MYO5B: variants seen among roughly 807,000 people sequenced by gnomAD.
MYO5B encodes the protein myosin VB, also known as unconventional myosin-Vb.
In MYO5B, 143 loss-of-function variants were observed where a neutral mutation model predicts 229.3. The ratio of observed to expected loss-of-function variants is 0.62; its 90% CI spans 0.54 to 0.72. The LOEUF (loss-of-function observed/expected upper bound fraction) is 0.72. Ranked by LOEUF, MYO5B falls within the 30% of genes least tolerant of loss-of-function variation. The pLI is 0.00. For missense variants in MYO5B, 2,321 were observed against 2,331.0 expected, an observed-to-expected ratio of 1.00 and a Z score of 0.09; for synonymous variants, 918 against 885.2, an observed-to-expected ratio of 1.04 and a Z score of -0.66.
intron 3 of MYO5B, among the ~76,000 whole-genome samples, chr18:50,039,111 G>A (rs934137761): frequency 2.6e-5 from 4 of 152,126 alleles, no homozygotes; most frequent in African/African-American, 4.8e-5. Flanking sequence ...CAAGACCACA[G>A]GGCACATGCG....
intron 14 of MYO5B, among the ~76,000 whole-genome samples, chr18:49,950,088 G>C (rs139489168): frequency 6.6e-6 from 1 of 152,146 alleles, no homozygotes; most frequent in East Asian, 1.9e-4. Context: ...CTTTTGAGAC[G>C]TCTGAAACAG....
intron 17 of MYO5B, among the ~76,000 whole-genome samples, chr18:49,921,149 G>A (rs1368907050): frequency 2.0e-5 from 3 of 152,006 alleles, no homozygotes; most frequent in Non-Finnish European, 4.4e-5. Flanking sequence ...ACTCTTCACA[G>A]GACTGGGGAG....
At chr18:49,902,430 G>C (rs558861978) in intron 21 of MYO5B, among the ~76,000 whole-genome samples, 164 bp downstream of exon 21, 153 of 152,302 alleles carry the variant, frequency 1.0e-3, no homozygotes, top group African/African-American at 3.5e-3. Flanking sequence ...TATCTTTAGG[G>C]GTCACTGATC....
rs377151673 is a variant in MYO5B at position 50,178,242 on chromosome 18, A to G, written c.27+16525T>C. Among the ~76,000 whole-genome samples the G allele has an allele frequency of 2.0e-4, 30 of 152,236 alleles. No homozygotes were observed. In the East Asian group the frequency reaches 5.0e-3, roughly 26 times the overall value. ...AAAGCTTCAGACTCAGATCACCACC[A>G]ATGCTCCCAGCCCAAACTGGCACAA... On this transcript the variant is annotated intron_variant, in intron 1 of 39. Transcript: ENST00000285039.
chr18:50,179,750 G>C (rs2033046101), intron 1 of MYO5B, among the ~76,000 whole-genome samples: 1 of 152,162 alleles, frequency 6.6e-6, no homozygotes, highest in Non-Finnish European at 1.5e-5. Flanking sequence ...GTACTGTGCT[G>C]GCCTATTAGG....
chr18:49,975,557 G>A (rs904309824), intron 9 of MYO5B, among the ~76,000 whole-genome samples: 4 of 152,116 alleles, frequency 2.6e-5, no homozygotes, highest in African/African-American at 7.2e-5. Context: ...AGAAGCAAGC[G>A]TTTTAAGTAT....
chr18:50,033,338 C>A (rs2026410998), intron 4 of MYO5B, among the ~76,000 whole-genome samples: 1 of 152,122 alleles, frequency 6.6e-6, no homozygotes, highest in South Asian at 2.1e-4. Flanking sequence ...CAAGACCCAG[C>A]TAAAATCCTA....
At chr18:49,860,395 C>T (rs2024314844) in intron 29 of MYO5B, among the ~76,000 whole-genome samples, 1 of 152,162 alleles carries the variant, frequency 6.6e-6, no homozygotes, top group Non-Finnish European at 1.5e-5. Flanking sequence ...CAGCCCTCTT[C>T]CCCCTTCATT....
At chr18:49,868,491 C>A (rs2024422338) in intron 27 of MYO5B, among the ~76,000 whole-genome samples, 1 of 152,218 alleles carries the variant, frequency 6.6e-6, no homozygotes, top group African/African-American at 2.4e-5. Flanking sequence ...GGTACCATCT[C>A]CTGATTTGAA....
intron 1 of MYO5B, among the ~76,000 whole-genome samples, chr18:50,134,570 A>C (rs1040092716): frequency 2.8e-5 from 4 of 141,450 alleles, no homozygotes; most frequent in Admixed American, 1.3e-4. Context: ...ATAAATAAAT[A>C]AATAAATAAA....
chr18:49,974,568 C>T lies in MYO5B; in HGVS notation c.1104G>A (p.Glu368=), dbSNP rs1223124229. ...ACAGCCAGTGCTCCATCTGACTGTGCTCCACCCCTAGCAGTCGGCAGAAGT... is the reference window on the plus strand; with the variant it reads ...ACAGCCAGTGCTCCATCTGACTGTGTTCCACCCCTAGCAGTCGGCAGAAGT... ...LSNFCRLLGV[E]HSQMEHWLCH... The change falls in exon 10 of 40, where the codon GAG becomes GAA. Residue 368 remains glutamate, a synonymous_variant. Transcript: ENST00000285039. 1.2e-6 allele frequency: 2 copies of T among 1,614,118 alleles called. No homozygotes were observed. The highest frequency in any genetic ancestry group is 2.2e-5 in the East Asian group (1 of 44,882).
chr18:50,096,817 T>C lies in MYO5B; in HGVS notation c.28-41439A>G, dbSNP rs942374722. ...TCAATGTCTCTCCCCAGTGTCTTCC[T>C]GCTGGAGCTCCCTAGGTCCAACACT... On this transcript the variant is annotated intron_variant, in intron 1 of 39. Coordinates refer to ENST00000285039, the MANE Select transcript of MYO5B (RefSeq NM_001080467.3). Among the ~76,000 whole-genome samples the C allele has an allele frequency of 2.6e-5, 4 of 152,240 alleles. No homozygotes were observed. In the East Asian group the frequency reaches 7.7e-4, roughly 29 times the overall value.
intron 1 of MYO5B, among the ~76,000 whole-genome samples, chr18:50,148,981 C>G (rs916136451): frequency 6.6e-6 from 1 of 151,578 alleles, no homozygotes; most frequent in African/African-American, 2.4e-5. Flanking sequence ...GCAACTTCAG[C>G]AAAGTCTCAG....
At chr18:50,158,586 C>T (rs192826945) in intron 1 of MYO5B, among the ~76,000 whole-genome samples, 1 of 152,286 alleles carries the variant, frequency 6.6e-6, no homozygotes, top group East Asian at 1.9e-4. Flanking sequence ...CACAAAATCC[C>T]ATACTGTGGA....
intron 24 of MYO5B, among the ~76,000 whole-genome samples, chr18:49,878,293 A>G (rs2024548995): frequency 6.6e-6 from 1 of 152,198 alleles, no homozygotes; most frequent in Non-Finnish European, 1.5e-5. Context: ...GTAGCATATT[A>G]AAAATAGTTT....
intron 1 of MYO5B, among the ~76,000 whole-genome samples, chr18:50,094,211 T>C (rs1370291299): frequency 6.6e-6 from 1 of 152,340 alleles, no homozygotes; most frequent in South Asian, 2.1e-4. Context: ...AAGATAATCA[T>C]GGTATATTAA....
At chr18:49,872,717 G>A (rs750369508) in intron 26 of MYO5B, among the ~76,000 whole-genome samples, 2 of 152,196 alleles carry the variant, frequency 1.3e-5, no homozygotes, top group African/African-American at 2.4e-5. Flanking sequence ...GCAGCTGCCA[G>A]GCAGGGAACA....
At chr18:50,016,917 C>G (rs778448259) in intron 4 of MYO5B, among the ~76,000 whole-genome samples, 3 of 151,028 alleles carry the variant, frequency 2.0e-5, no homozygotes, top group Non-Finnish European at 2.9e-5. Context: ...ACCCCTAAAG[C>G]TACCCCTACC....
At chr18:49,960,682 C>T (rs892227374) in intron 12 of MYO5B, among the ~76,000 whole-genome samples, 1 of 152,118 alleles carries the variant, frequency 6.6e-6, no homozygotes, top group Non-Finnish European at 1.5e-5. Context: ...TTGTCTTATT[C>T]CCTAATGTGG....
Sources: allele counts gnomAD v4.1 joint callset (sites outside exome capture counted in the v4.1 genomes callset), GRCh38; gene constraint gnomAD v4.1.1; transcripts MANE v1.5; gene names NCBI Gene and HGNC (gene_info 2026-07-23, HGNC 2026-07-21).